MDN1: variants seen among roughly 807,000 people sequenced by gnomAD.
MDN1 encodes the protein midasin.
In MDN1, 266 loss-of-function variants were observed where a neutral mutation model predicts 669.2. The observed-to-expected ratio is 0.40, with a 90% CI of 0.36 to 0.44. The LOEUF is 0.44. Among genes scored for constraint, MDN1 ranks in the 20% least tolerant of loss-of-function variants. The pLI, the probability that MDN1 is intolerant of heterozygous loss-of-function variation, is 1.00. For synonymous variants in MDN1, 2,385 were observed against 2,457.1 expected (o/e 0.97, Z 0.87); for missense variants, 5,940 against 6,754.0 (o/e 0.88, Z 4.22).
At chr6:89,669,786 T>C (rs938206503) in intron 83 of MDN1, among the ~76,000 whole-genome samples, 3 of 152,024 alleles carry the variant, frequency 2.0e-5, no homozygotes, top group Non-Finnish European at 4.4e-5. Context: ...ACCCACACCA[T>C]GTTGCTGTTA....
At chr6:89,792,655 A>G (rs1478372601) in intron 5 of MDN1, among the ~76,000 whole-genome samples, 1 of 150,830 alleles carries the variant, frequency 6.6e-6, no homozygotes, top group Non-Finnish European at 1.5e-5. Context: ...GCATTTTCCT[A>G]TATGTATATT....
In MDN1 at chr6:89,687,452, G is replaced by A. The variant is rs1363849477; in HGVS notation, c.11356-14C>T. ...TTCCTCCCAATCCTAAAGAAACAAAGATAAAATTTACTACAGATATTATTC... is the reference window on the plus strand; with the variant it reads ...TTCCTCCCAATCCTAAAGAAACAAAAATAAAATTTACTACAGATATTATTC... On this transcript the variant is annotated splice_polypyrimidine_tract_variant and intron_variant, in intron 67 of 101. Coordinates refer to ENST00000369393, the MANE Select transcript of MDN1 (RefSeq NM_014611.3). 12 of 1,608,762 alleles carry A rather than the reference G, an allele frequency of 7.5e-6. No homozygotes were observed. The highest frequency in any genetic ancestry group is 9.4e-6 in the Non-Finnish European group (11 of 1,175,788).
intron 9 of MDN1, among the ~76,000 whole-genome samples, chr6:89,782,965 T>C (rs1693692724): frequency 6.6e-6 from 1 of 152,192 alleles, no homozygotes; most frequent in African/African-American, 2.4e-5. Flanking sequence ...GTTATCTTCA[T>C]AAGCTGAGGA....
Position 89,754,175 on chromosome 6 carries a change from G to A in MDN1, c.2872C>T (p.His958Tyr). The change falls in exon 21 of 102, where the codon CAT (histidine) becomes TAT (tyrosine). Residue 958 changes from histidine (H) to tyrosine (Y), a missense_variant. His to Tyr is a moderately conservative substitution (Grantham distance 83, BLOSUM62 2). Transcript: ENST00000369393. ...GTCCGAAGGCTGTAGTGAGGTCTAT[G>A]GCCAGTGCCATCCACCAGTTTGGTC... ...SGTKLVDGTG[H>Y]RPHYSLRTLC... The A allele has an allele frequency of 2.5e-6, 4 of 1,614,098 alleles. No individual in the cohort carries two copies. In the South Asian group the frequency reaches 4.4e-5, roughly 18 times the overall value.
Position 89,762,417 on chromosome 6 carries a change from T to G in MDN1, c.2258A>C (p.Gln753Pro). ...CCACCGTTTCTGTCTGTAACAGGTCTGAATGTGCCCCAAGAACGTAAAGTT... is the reference window on the plus strand; with the variant it reads ...CCACCGTTTCTGTCTGTAACAGGTCGGAATGTGCCCCAAGAACGTAAAGTT... ...KQNFTFLGHIQTCYRQKRWHD... is the reference protein window; with the variant it reads ...KQNFTFLGHIPTCYRQKRWHD... The change falls in exon 16 of 102, where the codon CAG (glutamine) becomes CCG (proline). Residue 753 changes from glutamine to proline, a missense_variant. Around this residue, in one of 5 missense-constraint regions of MDN1, gnomAD observed 1,203 missense variants for 1,268.9 expected, o/e 0.95. Coordinates refer to ENST00000369393, the MANE Select transcript of MDN1 (RefSeq NM_014611.3). 1 of 1,614,154 alleles carries G rather than the reference T, an allele frequency of 6.2e-7. No individual in the cohort carries two copies. Among genetic ancestry groups the G allele is most frequent in the South Asian group, 1.1e-5 (1 of 91,086 alleles).
chr6:89,790,816 T>A (rs1307261281), intron 5 of MDN1, among the ~76,000 whole-genome samples: 1 of 152,076 alleles, frequency 6.6e-6, no homozygotes, highest in Non-Finnish European at 1.5e-5. Context: ...AAGTCAGGAG[T>A]TCGAGACCAG....
intron 20 of MDN1, 80 bp downstream of exon 20, chr6:89,756,197 A>G (rs1283199094): frequency 1.6e-6 from 1 of 607,416 alleles, no homozygotes; most frequent in Non-Finnish European, 2.8e-6. Flanking sequence ...AAAAAAGAAT[A>G]CATATTTGTG....
At chr6:89,803,702 C>T (rs368030035) in intron 1 of MDN1, 148 bp from the exon 2 acceptor site, 30 of 631,388 alleles carry the variant, frequency 4.8e-5, no homozygotes, top group African/African-American at 2.2e-4. Context: ...CTGCCCGAGC[C>T]GCCCAAGTAG....
intron 64 of MDN1, 107 bp downstream of exon 64, chr6:89,690,566 A>G: frequency 7.4e-7 from 1 of 1,358,912 alleles, no homozygotes; most frequent in Non-Finnish European, 1.0e-6. Flanking sequence ...TCTAAAATAC[A>G]TACATACAGA....
At chr6:89,694,235 C>T in intron 61 of MDN1, 52 bp from the exon 62 acceptor site, 2 of 1,461,106 alleles carry the variant, frequency 1.4e-6, no homozygotes, top group Non-Finnish European at 1.9e-6. Context: ...TGACCATGCA[C>T]ATGAGGACAA....
At chr6:89,737,507 C>T (rs72915944) in intron 33 of MDN1, among the ~76,000 whole-genome samples, 16,752 of 151,972 alleles carry the variant, frequency 0.11, 1,033 homozygotes, top group South Asian at 0.16. Context: ...AATATGCATA[C>T]ATCAAACCAA....
intron 37 of MDN1, among the ~76,000 whole-genome samples, chr6:89,725,615 G>C (rs946845924): frequency 1.3e-5 from 2 of 152,080 alleles, no homozygotes; most frequent in Non-Finnish European, 2.9e-5. Context: ...CTGTCACTCA[G>C]GCTGCAGTGC....
Position 89,653,035 on chromosome 6 carries a change from G to A in MDN1, c.15782C>T (p.Thr5261Ile). ...NEKPERSRES[T>I]IHTAHQFLMD... Reference sequence around the variant, plus strand: ...GAGGAATTGATGAGCTGTATGAATGGTAGACTCTCGGCTTCTTTCTGGTTT... The same window carrying A: ...GAGGAATTGATGAGCTGTATGAATGATAGACTCTCGGCTTCTTTCTGGTTT... The change falls in exon 94 of 102, where the codon ACC (threonine) becomes ATC (isoleucine). Residue 5261 changes from threonine to isoleucine, a missense_variant. Transcript: ENST00000369393. The A allele has an allele frequency of 6.2e-6, 10 of 1,614,122 alleles. No homozygotes were observed. Among genetic ancestry groups the A allele is most frequent in the Non-Finnish European group, 5.9e-6 (7 of 1,180,010 alleles).
chr6:89,761,008 A>T (rs1817515157), intron 17 of MDN1, among the ~76,000 whole-genome samples: 1 of 151,974 alleles, frequency 6.6e-6, no homozygotes, highest in Non-Finnish European at 1.5e-5. Flanking sequence ...AAAATACAAA[A>T]ACAAAAAATT....
chr6:89,743,698 T>C lies in MDN1; in HGVS notation c.4195A>G (p.Ile1399Val), dbSNP rs149263760. The part of the protein sequence containing the change: ...VGDTGCGKTT[I>V]CQVFAALANQ... The stretch of plus-strand genomic sequence containing the variant: ...GCCAAGGCTGCAAATACCTGACAGA[T>C]AGTAGTTTTCCCACACCTGTTAGAG... Residue 1399 changes from isoleucine (I) to valine (V), a missense_variant, in exon 30 of 102, where the codon ATC becomes GTC. This residue lies in a region of MDN1 where 2,292 missense variants were observed against 2,638.3 expected (regional missense o/e 0.87). Transcript: ENST00000369393. 7 of 1,614,026 alleles carry C rather than the reference T, an allele frequency of 4.3e-6. No individual in the cohort carries two copies. Among genetic ancestry groups the C allele is most frequent in the East Asian group, 2.2e-5 (1 of 44,876 alleles).
At position 89,650,805 on chromosome 6, in the gene MDN1, T is replaced by G; in HGVS notation, c.15958A>C (p.Thr5320Pro). The part of the protein sequence containing the change: ...AEMWQSYLIL[T>P]APLSQRLCEE... ...CATAACCGTTGTGAAAGAGGCGCTG[T>G]TAAGATCAGGTAACTCTGCCACATC... The change falls in exon 96 of 102, where the codon ACA (threonine) becomes CCA (proline). Residue 5320 changes from threonine (T) to proline (P), a missense_variant. Physicochemically the swap from Thr to Pro is conservative, Grantham distance 38. Around this residue, in one of 5 missense-constraint regions of MDN1, gnomAD observed 2,280 missense variants for 2,576.3 expected, o/e 0.88. Transcript: ENST00000369393. 6.2e-7 allele frequency: 1 copy of G among 1,614,154 alleles called. No individual in the cohort carries two copies. Among genetic ancestry groups the G allele is most frequent in the Non-Finnish European group, 8.5e-7 (1 of 1,179,998 alleles).
chr6:89,685,791 G>C, intron 70 of MDN1, 36 bp downstream of exon 70: 1 of 1,603,542 alleles, frequency 6.2e-7, no homozygotes, highest in Non-Finnish European at 8.5e-7. Context: ...CATTTTAGTC[G>C]TGCAATGTCA....
chr6:89,649,004 AAAG>A (rs1325001809), intron 97 of MDN1, among the ~76,000 whole-genome samples: 2 of 151,414 alleles, frequency 1.3e-5, no homozygotes, highest in Non-Finnish European at 2.9e-5. Context: ...AAAAAAAAAA[AAAG>A]AAAGAAAGTG....
At position 89,671,186 on chromosome 6, in the gene MDN1, C is replaced by T. The variant is rs1810728267; in HGVS notation, c.13795-106G>A. 2.9e-5 allele frequency: 35 copies of T among 1,208,446 alleles called. No homozygotes were observed. The South Asian group carries it at 5.2e-4, about 18-fold the overall frequency. The allele number at this position is 1,208,446 out of a possible 1,614,324, so 74.9% of individuals were successfully genotyped here. ...GTAATTGCACAACATTGTGAATGTA[C>T]TAAATAGTACTAATGGCAAGTTACA... On this transcript the variant is annotated intron_variant, in intron 82 of 101. Transcript: ENST00000369393.
Sources: allele counts gnomAD v4.1 joint callset (sites outside exome capture counted in the v4.1 genomes callset), GRCh38; gene constraint gnomAD v4.1.1; regional missense constraint gnomAD v4.1.1; transcripts MANE v1.5; gene names NCBI Gene and HGNC (gene_info 2026-07-23, HGNC 2026-07-21).